The following PTPRD variants were observed in gnomAD, a reference collection of about 807,000 sequenced individuals.
PTPRD encodes the protein receptor-type tyrosine-protein phosphatase delta.
A neutral mutation model predicts 214.5 loss-of-function variants in PTPRD; 34 were observed. The observed-to-expected ratio is 0.16, with a 90% confidence interval of 0.12 to 0.21. The LOEUF (loss-of-function observed/expected upper bound fraction) is 0.21. Among genes scored for constraint, PTPRD ranks in the 10% least tolerant of loss-of-function variants. PTPRD has a pLI of 1.00. For synonymous variants in PTPRD, 1,128 were observed against 845.7 expected (o/e 1.33, Z -5.79); for missense variants, 2,545 against 2,398.7 (o/e 1.06, Z -1.27).
chr9:9,538,099 A>G (rs2076877290), intron 8 of PTPRD, among the ~76,000 whole-genome samples: 1 of 151,842 alleles, frequency 6.6e-6, no homozygotes, highest in Non-Finnish European at 1.5e-5. Flanking sequence ...CACTTTCTAT[A>G]CCACTAGATC....
At chr9:10,388,118 A>G (rs904858009) in intron 2 of PTPRD, among the ~76,000 whole-genome samples, 1 of 151,822 alleles carries the variant, frequency 6.6e-6, no homozygotes, top group Non-Finnish European at 1.5e-5. Context: ...TTCTCTCCTC[A>G]AAGAGTTAAT....
At chr9:8,403,056 T>C (rs984483076) in intron 36 of PTPRD, among the ~76,000 whole-genome samples, 9 of 152,180 alleles carry the variant, frequency 5.9e-5, no homozygotes, top group Admixed American at 2.6e-4. Flanking sequence ...TGCTGAAAGA[T>C]AGTTTTTCTT....
At chr9:9,406,685 A>G (rs1257006955) in intron 8 of PTPRD, among the ~76,000 whole-genome samples, 4 of 151,872 alleles carry the variant, frequency 2.6e-5, no homozygotes, top group Non-Finnish European at 5.9e-5. Context: ...AGCAGGATTG[A>G]AAGAGTGATG....
intron 37 of PTPRD, among the ~76,000 whole-genome samples, chr9:8,379,533 A>G (rs2084309514): frequency 6.6e-6 from 1 of 152,200 alleles, no homozygotes; most frequent in Non-Finnish European, 1.5e-5. Context: ...AAGAAAAAGG[A>G]GAACAATAGA....
At chr9:8,448,067 G>A (rs776256613) in intron 34 of PTPRD, among the ~76,000 whole-genome samples, 1 of 152,106 alleles carries the variant, frequency 6.6e-6, no homozygotes, top group Non-Finnish European at 1.5e-5. Flanking sequence ...GCTAATGCCT[G>A]TAATCCCAGC....
At chr9:9,650,671 A>G (rs2096316267) in intron 7 of PTPRD, among the ~76,000 whole-genome samples, 2 of 152,070 alleles carry the variant, frequency 1.3e-5, no homozygotes, top group Admixed American at 1.3e-4. Flanking sequence ...AAAATAACTA[A>G]CGAGTACTAG....
intron 4 of PTPRD, among the ~76,000 whole-genome samples, chr9:9,977,186 G>C (rs1276654662): frequency 1.3e-5 from 2 of 152,134 alleles, no homozygotes; most frequent in African/African-American, 4.8e-5. Flanking sequence ...CTTGATAGGT[G>C]GATTCCCAGC....
At chr9:9,490,285 T>C (rs531524630) in intron 8 of PTPRD, among the ~76,000 whole-genome samples, 11 of 152,112 alleles carry the variant, frequency 7.2e-5, no homozygotes, top group African/African-American at 2.6e-4. Context: ...AAAGAAAAGA[T>C]GCAACACAAT....
chr9:9,855,342 C>G (rs766194488), intron 5 of PTPRD, among the ~76,000 whole-genome samples: 1 of 152,130 alleles, frequency 6.6e-6, no homozygotes, highest in Admixed American at 6.5e-5. Flanking sequence ...CTGAACTTCA[C>G]AGGAACGCTG....
chr9:10,194,017 T>C (rs2099385857), intron 3 of PTPRD, among the ~76,000 whole-genome samples: 1 of 152,104 alleles, frequency 6.6e-6, no homozygotes, highest in African/African-American at 2.4e-5. Flanking sequence ...CTATTTATGT[T>C]CACCTCTTTC....
chr9:9,661,300 A>C (rs1437869721), intron 7 of PTPRD, among the ~76,000 whole-genome samples: 6 of 151,980 alleles, frequency 3.9e-5, no homozygotes, highest in Non-Finnish European at 7.4e-5. Context: ...CCCAAAAGTA[A>C]TATCTTAACA....
chr9:9,102,704 G>C (rs1337915719), intron 10 of PTPRD, among the ~76,000 whole-genome samples: 1 of 152,174 alleles, frequency 6.6e-6, no homozygotes, highest in Non-Finnish European at 1.5e-5. Context: ...TTTACGATGT[G>C]ATCATTCACG....
chr9:10,342,592 T>C (rs915871063), intron 2 of PTPRD, among the ~76,000 whole-genome samples: 1 of 152,100 alleles, frequency 6.6e-6, no homozygotes, highest in Non-Finnish European at 1.5e-5. Context: ...AGAGTCAAAG[T>C]ATTGTCCTCA....
At chr9:9,561,522 C>G (rs1185910835) in intron 8 of PTPRD, among the ~76,000 whole-genome samples, 1 of 152,126 alleles carries the variant, frequency 6.6e-6, no homozygotes, top group Non-Finnish European at 1.5e-5. Flanking sequence ...ATCATCAAAC[C>G]ATTTGGGGTA....
At chr9:8,769,605 T>C (rs568670112) in intron 11 of PTPRD, among the ~76,000 whole-genome samples, 3 of 152,108 alleles carry the variant, frequency 2.0e-5, no homozygotes, top group African/African-American at 4.8e-5. Context: ...TGAATACCAA[T>C]TGCAAAGTAA....
chr9:8,601,683 G>C (rs759051693), intron 14 of PTPRD, among the ~76,000 whole-genome samples: 1 of 152,154 alleles, frequency 6.6e-6, no homozygotes, highest in Non-Finnish European at 1.5e-5. Flanking sequence ...GTGCTATTGG[G>C]GTTGGGATGC....
chr9:10,167,658 T>C (rs1564273014), intron 3 of PTPRD, among the ~76,000 whole-genome samples: 1 of 152,224 alleles, frequency 6.6e-6, no homozygotes, highest in African/African-American at 2.4e-5. Flanking sequence ...TTAATACTTA[T>C]TCTTAGCATA....
chr9:10,005,909 A>G (rs1454704032), intron 4 of PTPRD, among the ~76,000 whole-genome samples: 1 of 152,092 alleles, frequency 6.6e-6, no homozygotes, highest in Non-Finnish European at 1.5e-5. Flanking sequence ...TTAAATAATC[A>G]GTCAAATGAG....
intron 11 of PTPRD, among the ~76,000 whole-genome samples, chr9:8,843,666 G>A (rs2097617918): frequency 6.6e-6 from 1 of 152,140 alleles, no homozygotes; most frequent in African/African-American, 2.4e-5. Flanking sequence ...AAAAAGATCT[G>A]CCTCCCGTTC....
Sources: gnomAD v4.1 joint callset for allele counts (sites outside exome capture counted in the v4.1 genomes callset) on GRCh38, gnomAD v4.1.1 for gene constraint, MANE v1.5 for transcripts, NCBI Gene and HGNC (gene_info 2026-07-23, HGNC 2026-07-21) for gene names.